Variants in MDGA2 observed in about 807,000 individuals in gnomAD.
MDGA2 encodes the protein MAM domain containing glycosylphosphatidylinositol anchor 2.
A neutral mutation model predicts 117.8 loss-of-function variants in MDGA2; 40 were observed. The ratio of observed to expected loss-of-function variants is 0.34; its 90% confidence interval spans 0.26 to 0.44. The LOEUF (loss-of-function observed/expected upper bound fraction) is 0.44. Ranked by LOEUF, MDGA2 falls within the 20% of genes least tolerant of loss-of-function variation. MDGA2 has a pLI of 1.00. For synonymous variants in MDGA2, 452 were observed against 439.0 expected, an observed-to-expected ratio of 1.03 and a Z score of -0.37; for missense variants, 1,123 against 1,250.6, an observed-to-expected ratio of 0.90 and a Z score of 1.54.
intron 3 of MDGA2, among the ~76,000 whole-genome samples, chr14:47,189,525 C>T (rs545362863): frequency 1.5e-4 from 23 of 152,096 alleles, no homozygotes; most frequent in Admixed American, 3.3e-4. Context: ...TCTATTCCTC[C>T]TTAAAAAAAA....
At chr14:47,574,049 A>G (rs1461541261) in intron 1 of MDGA2, among the ~76,000 whole-genome samples, 3 of 152,254 alleles carry the variant, frequency 2.0e-5, no homozygotes, top group South Asian at 4.1e-4. Context: ...CATGGTGTAT[A>G]TAAGTACAAG....
chr14:46,860,365 A>G lies in MDGA2; in HGVS notation c.2753-5211T>C, dbSNP rs1193214391. ...TCTATTGATGTGTTAGGTTATATTA[A>G]TGCATTCCATAATGTTGAACTAATC... is the stretch of plus-strand genomic sequence containing the variant. On this transcript the variant is annotated intron_variant, in intron 14 of 16. Transcript: ENST00000399232. Among the ~76,000 whole-genome samples the G allele has an allele frequency of 2.0e-5, 3 of 152,176 alleles. No individual in the cohort carries two copies. The East Asian group carries it at 5.8e-4, about 29-fold the overall frequency.
chr14:47,254,271 T>A (rs1026054165), intron 2 of MDGA2, among the ~76,000 whole-genome samples: 1 of 152,230 alleles, frequency 6.6e-6, no homozygotes, highest in Non-Finnish European at 1.5e-5. Flanking sequence ...AATTGGTTTT[T>A]ATTTTCTATC....
chr14:47,593,991 T>A (rs1594934616), intron 1 of MDGA2, among the ~76,000 whole-genome samples: 1 of 152,338 alleles, frequency 6.6e-6, no homozygotes, highest in Middle Eastern at 3.4e-3. Context: ...TTTCACATTT[T>A]AAATATTTAA....
At chr14:47,110,993 C>G (rs1754760865) in intron 5 of MDGA2, among the ~76,000 whole-genome samples, 1 of 151,896 alleles carries the variant, frequency 6.6e-6, no homozygotes, top group Non-Finnish European at 1.5e-5. Context: ...TATTAAGTAC[C>G]AATTGCATAC....
chr14:46,997,907 A>G (rs2138466358), intron 8 of MDGA2, among the ~76,000 whole-genome samples: 1 of 152,288 alleles, frequency 6.6e-6, no homozygotes, highest in East Asian at 1.9e-4. Flanking sequence ...TTTGTGTGTG[A>G]CTGATTTCAA....
chr14:46,839,757 ATTTG>A (rs959386456), downstream of MDGA2, among the ~76,000 whole-genome samples: 4 of 152,092 alleles, frequency 2.6e-5, no homozygotes, highest in South Asian at 2.1e-4. Context: ...TATGAAACTC[ATTTG>A]TTTATTATGT....
chr14:47,592,292 A>G (rs1280263661), intron 1 of MDGA2, among the ~76,000 whole-genome samples: 2 of 152,186 alleles, frequency 1.3e-5, no homozygotes, highest in African/African-American at 2.4e-5. Flanking sequence ...GGAAGAATCA[A>G]TATCATGAAA....
intron 8 of MDGA2, among the ~76,000 whole-genome samples, chr14:47,010,897 T>C (rs1887874973): frequency 6.6e-6 from 1 of 152,064 alleles, no homozygotes; most frequent in Non-Finnish European, 1.5e-5. Context: ...ATTAAATAAA[T>C]ATAAGTCATG....
intron 2 of MDGA2, among the ~76,000 whole-genome samples, chr14:47,235,087 T>C (rs1305595409): frequency 6.6e-6 from 1 of 152,166 alleles, no homozygotes; most frequent in Non-Finnish European, 1.5e-5. Flanking sequence ...CTTACAATAT[T>C]GTCTTCCAAA....
At chr14:47,537,574 T>TAAAAAAAAAAAAAAA (rs58060138) in intron 1 of MDGA2, among the ~76,000 whole-genome samples, 3 of 36,606 alleles carry the variant, frequency 8.2e-5, no homozygotes, top group Non-Finnish European at 1.7e-4. Context: ...TTCTCTCTGT[T>TAAAAAAAAAAAAAAA]AAAAAAAAAA....
At chr14:47,034,257 G>A (rs1888760980) in intron 8 of MDGA2, among the ~76,000 whole-genome samples, 2 of 151,882 alleles carry the variant, frequency 1.3e-5, no homozygotes, top group African/African-American at 4.8e-5. Flanking sequence ...TTAAGTGTGT[G>A]GATTTAGGTA....
intron 1 of MDGA2, among the ~76,000 whole-genome samples, chr14:47,615,406 C>T (rs1402953567): frequency 6.6e-6 from 1 of 152,138 alleles, no homozygotes; most frequent in African/African-American, 2.4e-5. Flanking sequence ...CATTGAGGGA[C>T]TGACCAAGAT....
chr14:47,421,502 C>T (rs59501613), intron 1 of MDGA2, among the ~76,000 whole-genome samples: 12 of 146,256 alleles, frequency 8.2e-5, no homozygotes, highest in African/African-American at 3.0e-4. Context: ...GCAAAACAAA[C>T]AAAAACAAAA....
At chr14:47,139,973 A>G (rs138439871) in intron 4 of MDGA2, among the ~76,000 whole-genome samples, 10 of 151,444 alleles carry the variant, frequency 6.6e-5, no homozygotes, top group African/African-American at 1.9e-4. Context: ...GTAAACAGGG[A>G]AAGAGTAACC....
At chr14:47,592,694 T>C (rs1350390156) in intron 1 of MDGA2, among the ~76,000 whole-genome samples, 1 of 152,146 alleles carries the variant, frequency 6.6e-6, no homozygotes, top group African/African-American at 2.4e-5. Flanking sequence ...TGCAGAAAAT[T>C]GAAACTGAAC....
At chr14:47,162,157 G>C (rs1299960617) in intron 3 of MDGA2, among the ~76,000 whole-genome samples, 1 of 151,784 alleles carries the variant, frequency 6.6e-6, no homozygotes, top group Non-Finnish European at 1.5e-5. Context: ...GTGTTAGCCA[G>C]GCTGGTCTGG....
intron 7 of MDGA2, among the ~76,000 whole-genome samples, chr14:47,053,642 TATATATATATATACACAC>T (rs1566595347): frequency 2.4e-5 from 1 of 42,370 alleles, no homozygotes; most frequent in Non-Finnish European, 5.0e-5. Context: ...TATATATATA[TATATATATATATACACAC>T]ACACACACAC....
At chr14:47,106,611 TCTGA>T (rs1369421508) in intron 5 of MDGA2, among the ~76,000 whole-genome samples, 4 of 152,020 alleles carry the variant, frequency 2.6e-5, no homozygotes, top group African/African-American at 4.8e-5. Context: ...CTCAAGGCTC[TCTGA>T]CTGACTCCTT....
Sources: allele counts gnomAD v4.1 joint callset (sites outside exome capture counted in the v4.1 genomes callset), GRCh38; gene constraint gnomAD v4.1.1; transcripts MANE v1.5; gene names NCBI Gene and HGNC (gene_info 2026-07-23, HGNC 2026-07-21).